The following MOCS2 variants were observed in gnomAD, a reference collection of about 807,000 sequenced individuals.
The protein encoded by MOCS2 is molybdopterin synthase catalytic subunit.
In MOCS2, 13 loss-of-function variants were observed where a neutral mutation model predicts 21.9. The observed-to-expected ratio is 0.59, with a 90% CI of 0.39 to 0.94. The LOEUF is 0.94. Among genes scored for constraint, MOCS2 ranks in the 40% least tolerant of loss-of-function variants. The pLI is 0.00. For missense variants in MOCS2, 227 were observed against 218.3 expected (o/e 1.04, Z -0.25); for synonymous variants, 92 against 80.8 (o/e 1.14, Z -0.74).
rs1317344333 is a variant in MOCS2 at position 53,108,576 on chromosome 5, G to A, written c.-102C>T. On this transcript the variant is annotated 5_prime_UTR_variant, in exon 2 of 7. Transcript: ENST00000396954. The stretch of plus-strand genomic sequence containing the variant: ...CAGCTGCAACGCTTTTATTTCTTGA[G>A]GCACAGAAATGGTCTCTGAACGAAC... 1 of 1,613,418 alleles carries A rather than the reference G, an allele frequency of 6.2e-7. No homozygotes were observed. The highest frequency in any genetic ancestry group is 1.7e-5 in the Admixed American group (1 of 59,984).
intron 5 of MOCS2, chr5:53,101,073 G>T: frequency 2.1e-6 from 1 of 468,456 alleles, no homozygotes. Flanking sequence ...GACTTTCGAG[G>T]CATTTATATC....
At chr5:53,098,712 C>G in intron 6 of MOCS2, 45 bp from the exon 7 acceptor site, 1 of 1,265,106 alleles carries the variant, frequency 7.9e-7, no homozygotes, top group Non-Finnish European at 1.2e-6. Flanking sequence ...GACCATTCTA[C>G]TATACGAATA....
At chr5:53,099,067 G>A (rs1434265118) in intron 6 of MOCS2, among the ~76,000 whole-genome samples, 1 of 152,088 alleles carries the variant, frequency 6.6e-6, no homozygotes, top group Non-Finnish European at 1.5e-5. Context: ...CAAAGCACAG[G>A]CCGAGACTAG....
intron 3 of MOCS2, among the ~76,000 whole-genome samples, chr5:53,103,403 C>G (rs1740970007): frequency 6.6e-6 from 1 of 152,160 alleles, no homozygotes; most frequent in Non-Finnish European, 1.5e-5. Flanking sequence ...CTGTCTTTTT[C>G]TTTATCCAAC....
chr5:53,103,005 G>C (rs1486949579), intron 3 of MOCS2, among the ~76,000 whole-genome samples: 1 of 151,346 alleles, frequency 6.6e-6, no homozygotes, highest in Non-Finnish European at 1.5e-5. Context: ...GGAGTGACAT[G>C]ACTGCCATTT....
chr5:53,109,484 GTTC>G lies in MOCS2; in HGVS notation c.-406_-404del. 1 of 1,331,150 alleles carries G rather than the reference GTTC, an allele frequency of 7.5e-7. No homozygotes were observed. The highest frequency in any genetic ancestry group is 9.6e-7 in the Non-Finnish European group (1 of 1,042,174). The allele number at this position is 1,331,150 out of a possible 1,614,324, so 82.5% of individuals were successfully genotyped here. A position where few individuals can be genotyped will look rare whatever the true frequency, so the allele number is the denominator to read the frequency against. On this transcript the variant is annotated 5_prime_UTR_variant, in exon 1 of 7. Coordinates refer to ENST00000396954, the MANE Select transcript of MOCS2 (RefSeq NM_004531.5). ...TCCTTGCTGCCGTGAGCTGACAAGA[GTTC>G]TCGGAGAGGACCCGACTTCTGCTGG...
At chr5:53,102,345 T>A in intron 3 of MOCS2, 121 bp from the exon 4 acceptor site, 1 of 966,156 alleles carries the variant, frequency 1.0e-6, no homozygotes, top group Non-Finnish European at 1.5e-6. Flanking sequence ...GAAGAGGCTG[T>A]GGCACAAAAT....
chr5:53,106,922 TA>T (rs1275640864), intron 3 of MOCS2, among the ~76,000 whole-genome samples, 154 bp downstream of exon 3: 1 of 152,234 alleles, frequency 6.6e-6, no homozygotes, highest in Admixed American at 6.5e-5. Flanking sequence ...TAGATATTCA[TA>T]AATCTGTTGG....
chr5:53,105,190 G>T (rs1741016326), intron 3 of MOCS2, among the ~76,000 whole-genome samples: 1 of 152,018 alleles, frequency 6.6e-6, no homozygotes, highest in Non-Finnish European at 1.5e-5. Flanking sequence ...CTATTATCTA[G>T]TATTAGTAAG....
chr5:53,100,822 C>A, intron 5 of MOCS2: 1 of 418,414 alleles, frequency 2.4e-6, no homozygotes, highest in Non-Finnish European at 4.4e-6. Flanking sequence ...TCTGACTCAA[C>A]AAGGCACAGT....
In MOCS2 at chr5:53,109,687, C is replaced by CCGCA. The variant is rs1301288926; in HGVS notation, c.-610_-607dup. On this transcript the variant is annotated 5_prime_UTR_variant, in exon 1 of 7. The change abolishes the stop of an existing upstream ORF in the 5' untranslated region. Coordinates refer to ENST00000396954, the MANE Select transcript of MOCS2 (RefSeq NM_004531.5). ...GTCGAGGAGGGCTCCGCACCCAGGC[C>CCGCA]CGCACGCACACCCGCCACCCTTACC... The CCGCA allele has an allele frequency of 6.4e-7, 1 of 1,552,236 alleles. No individual in the cohort carries two copies. Among genetic ancestry groups the CCGCA allele is most frequent in the Non-Finnish European group, 8.7e-7 (1 of 1,147,904 alleles).
chr5:53,097,277 G>A lies in MOCS2; in HGVS notation c.*1325C>T, dbSNP rs1052080337. On this transcript the variant is annotated 3_prime_UTR_variant, in exon 7 of 7. Transcript: ENST00000396954. Reference sequence around the variant, plus strand: ...GGCTGTCCTATGGGTCCCAGCCACAGATAAGATGCAGAGTGTTCCTCAAGG... The same window carrying A: ...GGCTGTCCTATGGGTCCCAGCCACAAATAAGATGCAGAGTGTTCCTCAAGG... 2 of 152,222 alleles carry A rather than the reference G, an allele frequency of 1.3e-5. No individual in the cohort carries two copies. The highest frequency in any genetic ancestry group is 1.5e-5 in the Non-Finnish European group (1 of 68,054). The allele number at this position is 152,222 out of a possible 1,614,324, so 9.4% of individuals were successfully genotyped here. A position where few individuals can be genotyped will look rare whatever the true frequency, so the allele number is the denominator to read the frequency against.
intron 3 of MOCS2, among the ~76,000 whole-genome samples, chr5:53,104,327 A>G (rs1740996349): frequency 6.6e-6 from 1 of 152,170 alleles, no homozygotes; most frequent in Admixed American, 6.5e-5. Context: ...ATTTTACGAG[A>G]CTACTAAAAC....
chr5:53,102,792 CA>C (rs1388433062), intron 3 of MOCS2, among the ~76,000 whole-genome samples: 1 of 151,860 alleles, frequency 6.6e-6, no homozygotes, highest in Non-Finnish European at 1.5e-5. Context: ...ACTAAAAATA[CA>C]AAAATTAGCC....
chr5:53,105,871 A>G (rs558586733), intron 3 of MOCS2, among the ~76,000 whole-genome samples: 1 of 152,210 alleles, frequency 6.6e-6, no homozygotes, highest in African/African-American at 2.4e-5. Flanking sequence ...GAATTTTTTA[A>G]AATTTATGAG....
chr5:53,096,065 TCAAGTTGCTAAGAG>T lies in MOCS2; in HGVS notation c.*2523_*2536del, dbSNP rs1480678137. ...ATGCAAAATTAAATCTAAGTAAGACTCAAGTTGCTAAGAGCAACTTTACTATAACTTTTACTATG... is the reference window on the plus strand; with the variant it reads ...ATGCAAAATTAAATCTAAGTAAGACTCAACTTTACTATAACTTTTACTATG... On this transcript the variant is annotated 3_prime_UTR_variant, in exon 7 of 7. Transcript: ENST00000396954. 1.3e-5 allele frequency: 2 copies of T among 152,236 alleles called. No homozygotes were observed. The highest frequency in any genetic ancestry group is 4.8e-5 in the African/African-American group (2 of 41,472). The allele number at this position is 152,236 out of a possible 1,614,324, so 9.4% of individuals were successfully genotyped here.
Position 53,109,723 on chromosome 5 carries a change from G to T in MOCS2, c.-642C>A. 6.4e-7 allele frequency: 1 copy of T among 1,551,546 alleles called. No individual in the cohort carries two copies. The highest frequency in any genetic ancestry group is 8.7e-7 in the Non-Finnish European group (1 of 1,147,630). On this transcript the variant is annotated 5_prime_UTR_variant, in exon 1 of 7. Coordinates refer to ENST00000396954, the MANE Select transcript of MOCS2 (RefSeq NM_004531.5). ...CCCGCCACCCTTACCTGGCACAGCG[G>T]CACCATCCCGCCTAGGACAGCGGGA...
At chr5:53,104,050 G>A (rs549675730) in intron 3 of MOCS2, among the ~76,000 whole-genome samples, 3 of 152,290 alleles carry the variant, frequency 2.0e-5, no homozygotes, top group Admixed American at 6.5e-5. Context: ...ATTGAAAGAC[G>A]AGAGAAAGAA....
Position 53,109,248 on chromosome 5 carries a change from C to A in MOCS2, c.-170+3G>T, listed in dbSNP as rs1015322853. 5 of 991,510 alleles carry A rather than the reference C, an allele frequency of 5.0e-6. No homozygotes were observed. The highest frequency in any genetic ancestry group is 1.1e-4 in the East Asian group (1 of 9,260). The allele number at this position is 991,510 out of a possible 1,614,324, so 61.4% of individuals were successfully genotyped here. A position where few individuals can be genotyped will look rare whatever the true frequency, so the allele number is the denominator to read the frequency against. ...AAGGGATCCGACGAAGTAAAATAGGCACCTGTCACTCCGTGCAAACAACTC... is the reference window on the plus strand; with the variant it reads ...AAGGGATCCGACGAAGTAAAATAGGAACCTGTCACTCCGTGCAAACAACTC... On this transcript the variant is annotated splice_donor_region_variant and intron_variant, in intron 1 of 6. Transcript: ENST00000396954.
Sources: gnomAD v4.1 joint callset for allele counts (sites outside exome capture counted in the v4.1 genomes callset) on GRCh38, gnomAD v4.1.1 for gene constraint, MANE v1.5 for transcripts, NCBI Gene and HGNC (gene_info 2026-07-23, HGNC 2026-07-21) for gene names.